The following DYNC2H1 variants were observed in gnomAD, a reference collection of about 807,000 sequenced individuals.
The protein encoded by DYNC2H1 is dynein cytoplasmic 2 heavy chain 1, also known as cytoplasmic dynein 2 heavy chain 1.
Under a neutral mutation model 570.0 loss-of-function variants are expected in DYNC2H1, and 410 were observed. The ratio of observed to expected loss-of-function variants is 0.72; its 90% CI spans 0.66 to 0.78. The LOEUF is 0.78. Ranked by LOEUF, DYNC2H1 falls within the 30% of genes least tolerant of loss-of-function variation. DYNC2H1 has a pLI of 0.00. For synonymous variants in DYNC2H1, 1,688 were observed against 1,677.6 expected (o/e 1.01, Z -0.15); for missense variants, 4,865 against 5,046.4 (o/e 0.96, Z 1.09).
chr11:103,459,305 T>C (rs1211047271), intron 87 of DYNC2H1, among the ~76,000 whole-genome samples: 1 of 35,130 alleles, frequency 2.8e-5, no homozygotes, highest in Non-Finnish European at 4.6e-5. Context: ...CGAGACTCCG[T>C]CTCAAAAAAA....
At position 103,135,746 on chromosome 11, in the gene DYNC2H1, C is replaced by A. The variant is rs1859502427; in HGVS notation, c.2372C>A (p.Pro791His). The change falls in exon 17 of 89, where the codon CCT becomes CAT. Residue 791 changes from proline to histidine, a missense_variant. Physicochemically the swap from Pro to His is moderately conservative, Grantham distance 77. This residue lies in a region of DYNC2H1 where 1,936 missense variants were observed against 1,962.1 expected (regional missense o/e 0.99). Coordinates refer to ENST00000375735, the MANE Select transcript of DYNC2H1 (RefSeq NM_001377.3). ...YKQGRLQFRPPFEEIRAKYYR... is the reference protein window; with the variant it reads ...YKQGRLQFRPHFEEIRAKYYR... ...CAGGGACGATTACAATTCAGGCCCC[C>A]TTTTGAAGAAATCCGGGCTAAATAT... 35 of 1,610,092 alleles carry A rather than the reference C, an allele frequency of 2.2e-5. No individual in the cohort carries two copies. Among genetic ancestry groups the A allele is most frequent in the Non-Finnish European group, 2.5e-5 (30 of 1,177,978 alleles).
At chr11:103,466,712 C>T (rs1388464795) in intron 87 of DYNC2H1, among the ~76,000 whole-genome samples, 2 of 152,128 alleles carry the variant, frequency 1.3e-5, no homozygotes, top group Non-Finnish European at 2.9e-5. Flanking sequence ...AAATTTGATT[C>T]CATTTCATGC....
intron 83 of DYNC2H1, among the ~76,000 whole-genome samples, chr11:103,392,461 C>T (rs1488506896): frequency 6.6e-6 from 1 of 152,242 alleles, no homozygotes; most frequent in Non-Finnish European, 1.5e-5. Context: ...TGAGGTGATG[C>T]CTCGCCCTGC....
chr11:103,183,394 A>T (rs1861933702), intron 40 of DYNC2H1, among the ~76,000 whole-genome samples: 2 of 151,896 alleles, frequency 1.3e-5, no homozygotes, highest in Admixed American at 1.3e-4. Flanking sequence ...AGAAATGACG[A>T]CAGGATAAGA....
chr11:103,246,707 G>A (rs1295246675), intron 65 of DYNC2H1, among the ~76,000 whole-genome samples: 1 of 151,964 alleles, frequency 6.6e-6, no homozygotes, highest in Admixed American at 6.6e-5. Flanking sequence ...CTTTTCAAGA[G>A]TGATAAGTTC....
chr11:103,144,671 G>C (rs983638163), intron 18 of DYNC2H1, among the ~76,000 whole-genome samples: 4 of 151,424 alleles, frequency 2.6e-5, no homozygotes, highest in African/African-American at 9.7e-5. Context: ...ATAGATCTGG[G>C]AGTCTTACAT....
In DYNC2H1 at chr11:103,331,800, GC is replaced by G. The variant is rs1938810567; in HGVS notation, c.12039+7813del. 5.3e-5 allele frequency among the ~76,000 whole-genome samples: 8 copies of G among 152,268 alleles called. No individual in the cohort carries two copies. The South Asian group carries it at 1.7e-3, about 32-fold the overall frequency. On this transcript the variant is annotated intron_variant, in intron 82 of 88. Transcript: ENST00000375735. The stretch of plus-strand genomic sequence containing the variant: ...GATGAGGCCAGGCGCAGTGGCTCAC[GC>G]CCGTAATCCCAGCACTTTGGGAGGC...
intron 28 of DYNC2H1, among the ~76,000 whole-genome samples, chr11:103,160,131 C>T (rs1861026311): frequency 6.6e-6 from 1 of 152,066 alleles, no homozygotes; most frequent in Admixed American, 6.6e-5. Flanking sequence ...CAACCAATTT[C>T]TCTATTGTTT....
chr11:103,258,136 A>T (rs1464888478), intron 69 of DYNC2H1, among the ~76,000 whole-genome samples: 4 of 152,220 alleles, frequency 2.6e-5, no homozygotes, highest in Admixed American at 6.5e-5. Flanking sequence ...AACTTTCCAG[A>T]TAATGGAGGT....
intron 73 of DYNC2H1, among the ~76,000 whole-genome samples, chr11:103,285,227 A>G (rs989653255): frequency 7.2e-5 from 11 of 152,128 alleles, no homozygotes; most frequent in Admixed American, 2.0e-4. Flanking sequence ...TATAGCATGG[A>G]CAAGTGGGAA....
At position 103,185,768 on chromosome 11, in the gene DYNC2H1, G is replaced by A. The variant is rs912403136; in HGVS notation, c.6634-474G>A. Among the ~76,000 whole-genome samples the A allele has an allele frequency of 7.9e-5, 12 of 151,908 alleles. No individual in the cohort carries two copies. The highest frequency in any genetic ancestry group is 2.1e-4 in the South Asian group (1 of 4,816). ...GCACATACTCTCTTGTCAAAGTTCCGAATAAATGTATTGAAGAATAGTATT... is the reference window on the plus strand; with the variant it reads ...GCACATACTCTCTTGTCAAAGTTCCAAATAAATGTATTGAAGAATAGTATT... On this transcript the variant is annotated intron_variant, in intron 41 of 88. Coordinates refer to ENST00000375735, the MANE Select transcript of DYNC2H1 (RefSeq NM_001377.3). This position sits in a 1 kb window ranked among gnomAD's most constrained non-coding sequence, Gnocchi z 4.5.
intron 83 of DYNC2H1, among the ~76,000 whole-genome samples, chr11:103,373,869 G>T (rs577173027): frequency 4.6e-5 from 7 of 152,114 alleles, no homozygotes; most frequent in Admixed American, 1.3e-4. Context: ...GTGCTTTTCT[G>T]TTGGGTGCAT....
chr11:103,314,670 CT>C (rs1303657639), intron 79 of DYNC2H1, among the ~76,000 whole-genome samples: 3 of 151,870 alleles, frequency 2.0e-5, no homozygotes, highest in African/African-American at 7.2e-5. Flanking sequence ...GAGAATGTCA[CT>C]TTTTTTCATA....
At chr11:103,278,030 C>T (rs185692149) in intron 70 of DYNC2H1, among the ~76,000 whole-genome samples, 59 of 152,248 alleles carry the variant, frequency 3.9e-4, no homozygotes, top group African/African-American at 1.4e-3. Flanking sequence ...TGACTGTTTT[C>T]CTCTAAGGCA....
In DYNC2H1 at chr11:103,187,565, T is replaced by A; in HGVS notation, c.7119T>A (p.Thr2373=). The change falls in exon 43 of 89, where the codon ACT becomes ACA. Residue 2373 remains threonine (T), a synonymous_variant. Coordinates refer to ENST00000375735, the MANE Select transcript of DYNC2H1 (RefSeq NM_001377.3). ...LPKLDKWGTS[T]LVAFLQQVLT... ...AACTTGATAAATGGGGGACCAGTAC[T>A]TTGGTAGCATTCCTACAACAGGTAA... The A allele has an allele frequency of 4.3e-6, 7 of 1,613,058 alleles. No individual in the cohort carries two copies. The highest frequency in any genetic ancestry group is 5.9e-6 in the Non-Finnish European group (7 of 1,179,346).
At chr11:103,466,906 G>C (rs1253719199) in intron 87 of DYNC2H1, among the ~76,000 whole-genome samples, 2 of 152,106 alleles carry the variant, frequency 1.3e-5, no homozygotes. Flanking sequence ...AGAAATTCAT[G>C]CAAATGTGTA....
intron 83 of DYNC2H1, among the ~76,000 whole-genome samples, chr11:103,377,649 A>G (rs1278087036): frequency 6.6e-6 from 1 of 152,216 alleles, no homozygotes; most frequent in African/African-American, 2.4e-5. Context: ...TAGTATGAAT[A>G]TGCAAAATAC....
intron 83 of DYNC2H1, among the ~76,000 whole-genome samples, chr11:103,397,394 T>C (rs919745823): frequency 2.6e-5 from 4 of 152,236 alleles, no homozygotes; most frequent in Non-Finnish European, 5.9e-5. Context: ...GCATAGTCGT[T>C]GTAACATACT....
intron 70 of DYNC2H1, among the ~76,000 whole-genome samples, chr11:103,269,689 A>G (rs17100233): frequency 0.015 from 2,350 of 152,276 alleles, 65 homozygotes; most frequent in African/African-American, 0.053. Context: ...TTTCTTCAAG[A>G]GATCAAAAGT....
Sources: gnomAD v4.1 joint callset for allele counts (sites outside exome capture counted in the v4.1 genomes callset) on GRCh38, gnomAD v4.1.1 for gene constraint, gnomAD v4.1.1 regional missense constraint, Gnocchi (gnomAD v3.1) non-coding constraint, MANE v1.5 for transcripts, NCBI Gene and HGNC (gene_info 2026-07-23, HGNC 2026-07-21) for gene names.